The following CPQ variants were observed in gnomAD, a reference collection of about 807,000 sequenced individuals.
CPQ encodes Ser-Met dipeptidase.
In CPQ, 37 loss-of-function variants were observed where a neutral mutation model predicts 45.7. The observed-to-expected ratio is 0.81, with a 90% confidence interval of 0.62 to 1.07. CPQ has a LOEUF of 1.07. Among genes scored for constraint, CPQ ranks in the 50% least tolerant of loss-of-function variants. The probability of loss-of-function intolerance (pLI) is 0.00; values close to 1 mark genes in which losing one functional copy is unlikely to be tolerated. For missense variants in CPQ, 537 were observed against 572.9 expected, an observed-to-expected ratio of 0.94 and a Z score of 0.64; for synonymous variants, 186 against 205.8, an observed-to-expected ratio of 0.90 and a Z score of 0.82.
At chr8:96,828,549 A>G (rs1350619736) in intron 2 of CPQ, among the ~76,000 whole-genome samples, 2 of 151,820 alleles carry the variant, frequency 1.3e-5, no homozygotes, top group Non-Finnish European at 2.9e-5. Context: ...GTAGCTGGCA[A>G]CTCACCTCCA....
At chr8:97,067,360 A>G (rs1008140315) in intron 7 of CPQ, among the ~76,000 whole-genome samples, 1 of 152,198 alleles carries the variant, frequency 6.6e-6, no homozygotes, top group African/African-American at 2.4e-5. Flanking sequence ...ATAATCCAAA[A>G]AAGTTAAAGG....
chr8:96,977,372 C>A (rs1813807380), intron 5 of CPQ, among the ~76,000 whole-genome samples: 1 of 150,088 alleles, frequency 6.7e-6, no homozygotes, highest in Admixed American at 6.6e-5. Flanking sequence ...AAAAAGGGAA[C>A]ACTTTTACAC....
intron 4 of CPQ, among the ~76,000 whole-genome samples, chr8:96,881,911 C>A (rs1812228820): frequency 6.6e-6 from 1 of 152,222 alleles, no homozygotes; most frequent in African/African-American, 2.4e-5. Context: ...GTTTCTGGTG[C>A]AAATCTCATG....
chr8:96,666,028 G>A (rs1808920901), intron 1 of CPQ, among the ~76,000 whole-genome samples: 1 of 152,150 alleles, frequency 6.6e-6, no homozygotes, highest in African/African-American at 2.4e-5. Flanking sequence ...CAGTTAGGAA[G>A]CAGAAGGAGT....
intron 7 of CPQ, among the ~76,000 whole-genome samples, chr8:97,089,318 A>G (rs1449765605): frequency 6.6e-6 from 1 of 152,076 alleles, no homozygotes; most frequent in Admixed American, 6.6e-5. Flanking sequence ...CTAGGCAGCC[A>G]TTGCTATTAA....
intron 6 of CPQ, among the ~76,000 whole-genome samples, chr8:97,042,005 G>T (rs1810135486): frequency 6.6e-6 from 1 of 152,186 alleles, no homozygotes; most frequent in Non-Finnish European, 1.5e-5. Context: ...CTCATAAAAT[G>T]AGTTAGGGAG....
At chr8:96,751,637 T>G (rs1354912435) in intron 1 of CPQ, among the ~76,000 whole-genome samples, 1 of 152,230 alleles carries the variant, frequency 6.6e-6, no homozygotes, top group Non-Finnish European at 1.5e-5. Context: ...AGCTCTTTAG[T>G]TTAATTAGAT....
intron 4 of CPQ, among the ~76,000 whole-genome samples, chr8:96,954,903 C>T (rs1813330892): frequency 6.6e-6 from 1 of 152,044 alleles, no homozygotes; most frequent in African/African-American, 2.4e-5. Context: ...CAGCTTCATC[C>T]ATGTCCCTAC....
chr8:96,668,882 A>T (rs1371772843), intron 1 of CPQ, among the ~76,000 whole-genome samples: 1 of 152,110 alleles, frequency 6.6e-6, no homozygotes, highest in Non-Finnish European at 1.5e-5. Context: ...AAAAAAAAAA[A>T]ATCTCCAGCA....
intron 7 of CPQ, among the ~76,000 whole-genome samples, chr8:97,097,734 C>T (rs1811232196): frequency 6.6e-6 from 1 of 152,158 alleles, no homozygotes; most frequent in African/African-American, 2.4e-5. Context: ...ATCTACTGAC[C>T]TGGCTGTGCC....
intron 5 of CPQ, 151 bp from the exon 6 acceptor site, chr8:97,029,252 G>A: frequency 1.4e-6 from 1 of 693,384 alleles, no homozygotes; most frequent in Admixed American, 2.7e-5. Context: ...TTGCTGTGCT[G>A]GCCATACCCT....
chr8:96,694,325 A>C (rs1809342917), intron 1 of CPQ, among the ~76,000 whole-genome samples: 1 of 151,908 alleles, frequency 6.6e-6, no homozygotes, highest in African/African-American at 2.4e-5. Context: ...GACATGGAGT[A>C]ACTGAATGGT....
At chr8:97,113,306 G>C (rs75134666) in intron 7 of CPQ, among the ~76,000 whole-genome samples, 1 of 152,188 alleles carries the variant, frequency 6.6e-6, no homozygotes, top group African/African-American at 2.4e-5. Flanking sequence ...AGGAGACAGA[G>C]AGAGCAGCAG....
chr8:96,799,426 T>C (rs1323976901), intron 2 of CPQ, among the ~76,000 whole-genome samples: 1 of 152,224 alleles, frequency 6.6e-6, no homozygotes, highest in East Asian at 1.9e-4. Flanking sequence ...ATCTCCTCTT[T>C]TGATCTCATC....
At chr8:96,697,794 C>A (rs543569165) in intron 1 of CPQ, among the ~76,000 whole-genome samples, 1 of 151,910 alleles carries the variant, frequency 6.6e-6, no homozygotes, top group Non-Finnish European at 1.5e-5. Context: ...TAGGAATTAA[C>A]CAAACAAGTG....
chr8:96,938,785 G>A (rs1813087025), intron 4 of CPQ, among the ~76,000 whole-genome samples: 1 of 152,188 alleles, frequency 6.6e-6, no homozygotes, highest in South Asian at 2.1e-4. Flanking sequence ...AGAGAGCTGA[G>A]TGGAGAAAGG....
intron 6 of CPQ, among the ~76,000 whole-genome samples, chr8:97,039,123 C>G (rs1212861511): frequency 6.6e-6 from 1 of 152,196 alleles, no homozygotes; most frequent in Non-Finnish European, 1.5e-5. Flanking sequence ...ATCACCAGAT[C>G]AGTCTAGTGC....
chr8:97,030,209 G>T (rs2130470731), intron 6 of CPQ, among the ~76,000 whole-genome samples: 1 of 152,316 alleles, frequency 6.6e-6, no homozygotes, highest in Middle Eastern at 3.4e-3. Context: ...CGCATATGCT[G>T]GCAAGCAGTG....
rs1309408430 is a variant in CPQ at position 97,124,220 on chromosome 8, C to T, written c.1256-18800C>T. ...CAGCCTGGGCGACAGAGCAAGACTC[C>T]GTCTCAAAAAAAAAAAAAAAAAAAA... On this transcript the variant is annotated intron_variant, in intron 7 of 7. Coordinates refer to ENST00000220763, the MANE Select transcript of CPQ (RefSeq NM_016134.4). Among the ~76,000 whole-genome samples the T allele has an allele frequency of 8.5e-5, 8 of 94,514 alleles. No individual in the cohort carries two copies. The Admixed American group carries it at 9.2e-4, about 11-fold the overall frequency. The allele number at this position is 94,514 out of a possible 152,430, so 62.0% of individuals were successfully genotyped here.
Sources: gnomAD v4.1 joint callset for allele counts (sites outside exome capture counted in the v4.1 genomes callset) on GRCh38, gnomAD v4.1.1 for gene constraint, MANE v1.5 for transcripts, NCBI Gene and HGNC (gene_info 2026-07-23, HGNC 2026-07-21) for gene names.